The following PASD1 variants were observed in gnomAD, a reference collection of about 807,000 sequenced individuals.
PASD1 encodes PAS domain containing repressor 1, also known as circadian clock protein PASD1.
PASD1 carries 13 observed loss-of-function variants against 58.8 expected under a neutral mutation model. The ratio of observed to expected loss-of-function variants is 0.22; its 90% CI spans 0.14 to 0.35. The LOEUF is 0.35. Among genes scored for constraint, PASD1 ranks in the 10% least tolerant of loss-of-function variants. The pLI, the probability that PASD1 is intolerant of heterozygous loss-of-function variation, is 1.00. For missense variants in PASD1, 734 were observed against 568.3 expected, an observed-to-expected ratio of 1.29 and a Z score of -2.96; for synonymous variants, 236 against 216.7, an observed-to-expected ratio of 1.09 and a Z score of -0.78.
intron 9 of PASD1, among the ~76,000 whole-genome samples, chrX:151,657,826 AT>A (rs1419284290): frequency 6.3e-5 from 3 of 47,399 alleles, no homozygotes; most frequent in African/African-American, 1.5e-4. Flanking sequence ...GGATTCACTG[AT>A]TTTTTTGGAG....
At chrX:151,565,197 C>T (rs1266485755) in intron 1 of PASD1, among the ~76,000 whole-genome samples, 1 of 112,073 alleles carries the variant, frequency 8.9e-6, no homozygotes, top group African/African-American at 3.2e-5. Context: ...GCTTATTTCT[C>T]TGCCAGTTCT....
At chrX:151,627,424 C>T (rs1283019961) in intron 8 of PASD1, among the ~76,000 whole-genome samples, 4 of 106,022 alleles carry the variant, frequency 3.8e-5, no homozygotes, top group Non-Finnish European at 7.7e-5. Flanking sequence ...TCTTATTGTT[C>T]GGTTCCCACC....
At chrX:151,608,067 G>A (rs1272967087) in intron 3 of PASD1, among the ~76,000 whole-genome samples, 2 of 111,460 alleles carry the variant, frequency 1.8e-5, no homozygotes, top group African/African-American at 6.5e-5. Flanking sequence ...GAGATTGCTG[G>A]AGGGTAGGGT....
intron 8 of PASD1, among the ~76,000 whole-genome samples, chrX:151,638,107 T>C (rs898547590): frequency 1.8e-5 from 2 of 111,666 alleles, no homozygotes; most frequent in Non-Finnish European, 1.9e-5. Flanking sequence ...GTATTAACTT[T>C]AGCAGCTTGA....
At chrX:151,636,846 G>A (rs1472458261) in intron 8 of PASD1, among the ~76,000 whole-genome samples, 1 of 111,176 alleles carries the variant, frequency 9.0e-6, no homozygotes, top group African/African-American at 3.3e-5. Context: ...TCAGAATACA[G>A]AACAGTTCCA....
chrX:151,648,835 C>A, intron 9 of PASD1, 133 bp downstream of exon 9: 1 of 716,309 alleles, frequency 1.4e-6, no homozygotes. Flanking sequence ...CAGTTGCCAT[C>A]TTGTAGACAT....
intron 2 of PASD1, among the ~76,000 whole-genome samples, chrX:151,604,239 G>A (rs1436416967): frequency 8.9e-6 from 1 of 111,970 alleles, no homozygotes; most frequent in Non-Finnish European, 1.9e-5. Flanking sequence ...TGAAGCTAAA[G>A]AGTGGAATTT....
chrX:151,571,788 C>G (rs981848850), intron 1 of PASD1, among the ~76,000 whole-genome samples: 2 of 112,100 alleles, frequency 1.8e-5, no homozygotes, highest in African/African-American at 6.5e-5. Flanking sequence ...CTACTTTAGC[C>G]TCCACTGCCC....
intron 1 of PASD1, among the ~76,000 whole-genome samples, chrX:151,571,613 T>C (rs1028767826): frequency 8.9e-6 from 1 of 112,675 alleles, no homozygotes; most frequent in African/African-American, 3.2e-5. Context: ...CTCATGTCTA[T>C]GTGGTCAAAT....
In PASD1 at chrX:151,616,154, G is replaced by T. The variant is rs760559448; in HGVS notation, c.207+4401G>T. ...TGAGATGGGAGGAAGCCATTGGGGA[G>T]GTTGGAGCAGATGAAAGAAATGATC... On this transcript the variant is annotated intron_variant, in intron 4 of 15. Coordinates refer to ENST00000370357, the MANE Select transcript of PASD1 (RefSeq NM_173493.3). Among the ~76,000 whole-genome samples the T allele has an allele frequency of 2.0e-4, 22 of 111,895 alleles. No individual in the cohort carries two copies. The South Asian group carries it at 4.9e-3, about 25-fold the overall frequency.
chrX:151,659,930 T>C, intron 10 of PASD1, 94 bp downstream of exon 10: 1 of 834,224 alleles, frequency 1.2e-6, no homozygotes, highest in Non-Finnish European at 1.6e-6. Context: ...TAATGCTCTA[T>C]AATACTGTGA....
At chrX:151,669,323 A>G (rs1569416891) in intron 11 of PASD1, among the ~76,000 whole-genome samples, 2 of 109,335 alleles carry the variant, frequency 1.8e-5, no homozygotes, top group Non-Finnish European at 3.8e-5. Flanking sequence ...ATATATTTGG[A>G]TACATATACA....
At chrX:151,625,619 A>ATT in intron 8 of PASD1, 89 bp downstream of exon 8, 2 of 706,614 alleles carry the variant, frequency 2.8e-6, no homozygotes, top group Non-Finnish European at 4.2e-6. Flanking sequence ...ACCTACAGAT[A>ATT]TTTTTTTTCC....
chrX:151,651,093 G>A (rs2014123406), intron 9 of PASD1, among the ~76,000 whole-genome samples: 2 of 111,738 alleles, frequency 1.8e-5, no homozygotes, highest in Non-Finnish European at 3.8e-5. Flanking sequence ...CTCACAAAGG[G>A]TTAGTAACAG....
At chrX:151,573,788 G>T (rs1472941219) in intron 1 of PASD1, among the ~76,000 whole-genome samples, 2 of 112,161 alleles carry the variant, frequency 1.8e-5, no homozygotes, top group Non-Finnish European at 3.8e-5. Flanking sequence ...TGGAATTCAG[G>T]AATGTTGTGA....
At chrX:151,577,248 A>G (rs2013020749) in intron 1 of PASD1, among the ~76,000 whole-genome samples, 2 of 112,410 alleles carry the variant, frequency 1.8e-5, no homozygotes, top group South Asian at 7.4e-4. Flanking sequence ...AAAATTCTCA[A>G]TAGAAACACA....
intron 1 of PASD1, among the ~76,000 whole-genome samples, chrX:151,583,699 T>C (rs931336594): frequency 2.7e-5 from 3 of 112,458 alleles, no homozygotes; most frequent in Admixed American, 9.4e-5. Flanking sequence ...CCTTATTGAC[T>C]GTGAACTTTG....
chrX:151,592,639 T>C (rs1026536949), intron 1 of PASD1, among the ~76,000 whole-genome samples: 2 of 112,064 alleles, frequency 1.8e-5, no homozygotes, highest in Non-Finnish European at 3.8e-5. Context: ...GACCCACAGA[T>C]TGTTTAGAAG....
chrX:151,584,036 C>T (rs926480716), intron 1 of PASD1, among the ~76,000 whole-genome samples: 2 of 111,555 alleles, frequency 1.8e-5, no homozygotes, highest in African/African-American at 6.5e-5. Flanking sequence ...TCCTAGTGAG[C>T]AGAAGGTCAC....
Sources: gnomAD v4.1 joint callset for allele counts (sites outside exome capture counted in the v4.1 genomes callset) on GRCh38, gnomAD v4.1.1 for gene constraint, MANE v1.5 for transcripts, NCBI Gene and HGNC (gene_info 2026-07-23, HGNC 2026-07-21) for gene names.